Variants in CDH20 observed in about 807,000 individuals in gnomAD.
The protein encoded by CDH20 is cadherin-20.
In CDH20, 29 loss-of-function variants were observed where a neutral mutation model predicts 74.2. The ratio of observed to expected loss-of-function variants is 0.39; its 90% CI spans 0.29 to 0.53. The LOEUF is 0.53. CDH20 is among the 20% of genes least tolerant of loss of function. The pLI is 0.69. For synonymous variants in CDH20, 469 were observed against 405.4 expected, an observed-to-expected ratio of 1.16 and a Z score of -1.88; for missense variants, 988 against 1,048.3, an observed-to-expected ratio of 0.94 and a Z score of 0.79.
intron 8 of CDH20, 98 bp from the exon 9 acceptor site, chr18:61,538,926 C>T: frequency 2.2e-6 from 3 of 1,394,344 alleles, no homozygotes; most frequent in Middle Eastern, 1.9e-4. Flanking sequence ...GCCACTGCGC[C>T]CAGTCGTAAA....
chr18:61,499,200 G>T lies in CDH20; in HGVS notation c.261G>T (p.Met87Ile). Residue 87 changes from methionine to isoleucine, a missense_variant, in exon 3 of 12, where the codon ATG becomes ATT. By Grantham distance (10) the Met-to-Ile change is conservative. Coordinates refer to ENST00000262717, the MANE Select transcript of CDH20 (RefSeq NM_031891.4). ...PLYVGKLHSD[M>I]DRGDGSIKYI... ...TCCTCTCCCAGCTTCATTCAGATAT[G>T]GACAGGGGAGACGGATCCATCAAAT... 1 of 1,585,994 alleles carries T rather than the reference G, an allele frequency of 6.3e-7. No homozygotes were observed. The highest frequency in any genetic ancestry group is 2.2e-5 in the East Asian group (1 of 44,484).
intron 1 of CDH20, among the ~76,000 whole-genome samples, chr18:61,337,036 T>C (rs1279995777): frequency 1.3e-5 from 2 of 152,206 alleles, no homozygotes; most frequent in African/African-American, 2.4e-5. Context: ...TTGGTGTGAC[T>C]CGAATAATTA....
intron 1 of CDH20, among the ~76,000 whole-genome samples, chr18:61,339,701 T>TTTTTTTTTTTTC (rs58434671): frequency 7.3e-5 from 9 of 122,944 alleles, no homozygotes; most frequent in Admixed American, 2.1e-4. Flanking sequence ...TTTTTTTTTT[T>TTTTTTTTTTTTC]TTTTGAGATG....
chr18:61,548,300 G>A (rs1913321598), intron 10 of CDH20, among the ~76,000 whole-genome samples: 1 of 152,262 alleles, frequency 6.6e-6, no homozygotes, highest in South Asian at 2.1e-4. Context: ...TAGCACAATG[G>A]AACATGTACA....
At chr18:61,513,589 T>G (rs1381052135) in intron 6 of CDH20, among the ~76,000 whole-genome samples, 1 of 151,778 alleles carries the variant, frequency 6.6e-6, no homozygotes, top group Admixed American at 6.6e-5. Flanking sequence ...AGTTTCTTCC[T>G]AGTCTCCATG....
chr18:61,417,145 G>A (rs564800317), intron 1 of CDH20, among the ~76,000 whole-genome samples: 1 of 152,220 alleles, frequency 6.6e-6, no homozygotes, highest in African/African-American at 2.4e-5. Flanking sequence ...ATGACCAGTG[G>A]TATGGAGCTT....
intron 1 of CDH20, among the ~76,000 whole-genome samples, chr18:61,351,291 C>T (rs1159245041): frequency 6.6e-6 from 1 of 152,162 alleles, no homozygotes; most frequent in Non-Finnish European, 1.5e-5. Context: ...TCCCATTTCA[C>T]TCCCCCCATC....
intron 1 of CDH20, among the ~76,000 whole-genome samples, chr18:61,470,536 G>A (rs1910129882): frequency 6.6e-6 from 1 of 152,046 alleles, no homozygotes; most frequent in African/African-American, 2.4e-5. Context: ...ATTCAGCCAT[G>A]TATAGACATA....
intron 1 of CDH20, among the ~76,000 whole-genome samples, chr18:61,343,770 A>T (rs976916794): frequency 6.6e-6 from 1 of 152,254 alleles, no homozygotes; most frequent in Non-Finnish European, 1.5e-5. Flanking sequence ...TCTTCATGTG[A>T]AATAGAAAAT....
intron 1 of CDH20, among the ~76,000 whole-genome samples, chr18:61,380,395 A>G (rs913385557): frequency 3.3e-5 from 5 of 152,224 alleles, no homozygotes; most frequent in Non-Finnish European, 5.9e-5. Context: ...CACTGGAAAG[A>G]GTGAAGTATA....
At chr18:61,371,839 C>T (rs1050188450) in intron 1 of CDH20, among the ~76,000 whole-genome samples, 1 of 152,038 alleles carries the variant, frequency 6.6e-6, no homozygotes, top group Non-Finnish European at 1.5e-5. Flanking sequence ...TGCAAGTCAG[C>T]ATCTCTTATA....
chr18:61,405,844 A>T (rs1912312560), intron 1 of CDH20, among the ~76,000 whole-genome samples: 1 of 152,220 alleles, frequency 6.6e-6, no homozygotes, highest in Non-Finnish European at 1.5e-5. Context: ...AAGGTTGAGA[A>T]ACACTGCGTT....
At chr18:61,477,093 G>T (rs897307735) in intron 1 of CDH20, among the ~76,000 whole-genome samples, 1 of 152,118 alleles carries the variant, frequency 6.6e-6, no homozygotes, top group African/African-American at 2.4e-5. Flanking sequence ...CTCGGAAAAT[G>T]AGGACATTGA....
At chr18:61,525,757 C>T (rs1912374324) in intron 6 of CDH20, among the ~76,000 whole-genome samples, 3 of 152,030 alleles carry the variant, frequency 2.0e-5, no homozygotes, top group Admixed American at 2.0e-4. Context: ...TATATGAATG[C>T]ATTAAATTAT....
intron 1 of CDH20, among the ~76,000 whole-genome samples, chr18:61,336,289 C>T (rs1307727348): frequency 4.6e-5 from 7 of 152,180 alleles, no homozygotes; most frequent in Non-Finnish European, 1.0e-4. Context: ...ATTTTTCCCT[C>T]CTCCATTGGG....
chr18:61,400,517 G>A (rs1378692106), intron 1 of CDH20, among the ~76,000 whole-genome samples: 3 of 152,182 alleles, frequency 2.0e-5, no homozygotes, highest in Middle Eastern at 3.2e-3. Context: ...GAGATGGAAT[G>A]TCTATCAAAC....
chr18:61,391,165 G>T (rs1008143817), intron 1 of CDH20, among the ~76,000 whole-genome samples: 1 of 152,128 alleles, frequency 6.6e-6, no homozygotes, highest in Non-Finnish European at 1.5e-5. Context: ...ATAGGCAAAA[G>T]AAATAGATAA....
intron 5 of CDH20, among the ~76,000 whole-genome samples, chr18:61,504,254 A>T (rs1911483400): frequency 6.6e-6 from 1 of 152,174 alleles, no homozygotes; most frequent in Non-Finnish European, 1.5e-5. Flanking sequence ...GTTAGGAGGC[A>T]TTTAGAGTGG....
Position 61,364,960 on chromosome 18 carries a change from T to A in CDH20, c.-153+31133T>A, listed in dbSNP as rs1910812117. On this transcript the variant is annotated intron_variant, in intron 1 of 11. Transcript: ENST00000262717. ...CCTCAATTTTAAGCATCTAAAACTA[T>A]TTTTATTATTTTAATGTTGACAGAA... is the stretch of plus-strand genomic sequence containing the variant. 3.3e-5 allele frequency among the ~76,000 whole-genome samples: 5 copies of A among 152,188 alleles called. No individual in the cohort carries two copies. In the South Asian group the frequency reaches 1.0e-3, roughly 31 times the overall value.
Sources: allele counts gnomAD v4.1 joint callset (sites outside exome capture counted in the v4.1 genomes callset), GRCh38; gene constraint gnomAD v4.1.1; transcripts MANE v1.5; gene names NCBI Gene and HGNC (gene_info 2026-07-23, HGNC 2026-07-21).